PDE11A: variants seen among roughly 807,000 people sequenced by gnomAD.
PDE11A encodes dual 3',5'-cyclic-AMP and -GMP phosphodiesterase 11A.
In PDE11A, 100 loss-of-function variants were observed where a neutral mutation model predicts 100.5. That is an observed-to-expected ratio of 1.00 (90% CI 0.85 to 1.18). The LOEUF is 1.18. PDE11A is among the 50% of genes most tolerant of loss of function. The pLI, the probability that PDE11A is intolerant of heterozygous loss-of-function variation, is 0.00. For missense variants in PDE11A, 1,141 were observed against 1,152.6 expected, an observed-to-expected ratio of 0.99 and a Z score of 0.15; for synonymous variants, 381 against 420.8, an observed-to-expected ratio of 0.91 and a Z score of 1.16.
At chr2:177,968,557 A>T (rs745904341) in intron 2 of PDE11A, among the ~76,000 whole-genome samples, 9 of 152,258 alleles carry the variant, frequency 5.9e-5, no homozygotes, top group Non-Finnish European at 1.2e-4. Flanking sequence ...CCAAGCTTAC[A>T]TAACTATTTT....
At chr2:177,755,728 A>G (rs1457579486) in intron 10 of PDE11A, among the ~76,000 whole-genome samples, 1 of 152,220 alleles carries the variant, frequency 6.6e-6, no homozygotes, top group East Asian at 1.9e-4. Flanking sequence ...GGGACTCCAT[A>G]GTTCCCTTCT....
chr2:177,825,195 G>C (rs2083209284), intron 6 of PDE11A, among the ~76,000 whole-genome samples: 2 of 152,194 alleles, frequency 1.3e-5, no homozygotes, highest in Admixed American at 1.3e-4. Context: ...GGTTAGTCCT[G>C]GAAGAGAGGA....
intron 1 of PDE11A, among the ~76,000 whole-genome samples, chr2:178,026,356 G>C (rs1048034895): frequency 6.6e-6 from 1 of 152,152 alleles, no homozygotes; most frequent in African/African-American, 2.4e-5. Context: ...TTTGACAAAA[G>C]TTTAATGTTA....
At chr2:177,989,773 A>G (rs1215079454) in intron 2 of PDE11A, among the ~76,000 whole-genome samples, 3 of 152,190 alleles carry the variant, frequency 2.0e-5, no homozygotes, top group African/African-American at 7.2e-5. Flanking sequence ...AGAGTGGATC[A>G]ATGACACATT....
At chr2:177,640,311 G>A (rs1326927084) in intron 19 of PDE11A, among the ~76,000 whole-genome samples, 1 of 152,298 alleles carries the variant, frequency 6.6e-6, no homozygotes, top group South Asian at 2.1e-4. Flanking sequence ...TCCCTTTCTG[G>A]AGGAAAATAT....
intron 19 of PDE11A, among the ~76,000 whole-genome samples, chr2:177,630,025 A>G (rs2079894689): frequency 6.6e-6 from 1 of 152,238 alleles, no homozygotes; most frequent in African/African-American, 2.4e-5. Flanking sequence ...TGAATAGGAA[A>G]GGTCAGGTAA....
chr2:177,872,392 G>A (rs558170618), intron 5 of PDE11A, among the ~76,000 whole-genome samples: 1 of 152,176 alleles, frequency 6.6e-6, no homozygotes, highest in African/African-American at 2.4e-5. Flanking sequence ...TTCATGGAGG[G>A]AGATGGATTG....
chr2:177,744,933 G>A (rs1194439614), intron 10 of PDE11A, among the ~76,000 whole-genome samples: 6 of 152,166 alleles, frequency 3.9e-5, no homozygotes, highest in Non-Finnish European at 8.8e-5. Context: ...CTGAATCCTG[G>A]ATGAAGGAGC....
At chr2:177,852,777 C>G (rs1168961655) in intron 5 of PDE11A, among the ~76,000 whole-genome samples, 4 of 152,144 alleles carry the variant, frequency 2.6e-5, no homozygotes, top group African/African-American at 9.7e-5. Context: ...TCAGCTCTTA[C>G]CCTGTGGTAG....
At chr2:177,730,565 TGCTCTGCTTTCTA>T (rs1480729759) in intron 10 of PDE11A, among the ~76,000 whole-genome samples, 1 of 152,062 alleles carries the variant, frequency 6.6e-6, no homozygotes, top group Non-Finnish European at 1.5e-5. Flanking sequence ...TTTTCCTTTT[TGCTCTGCTTTCTA>T]GGAAATTTCT....
intron 2 of PDE11A, among the ~76,000 whole-genome samples, chr2:177,988,668 A>G (rs963210026): frequency 3.3e-5 from 5 of 152,180 alleles, no homozygotes; most frequent in Admixed American, 3.3e-4. Flanking sequence ...GTCCTGCCAG[A>G]GTGTCTGAAT....
At chr2:177,678,301 T>C (rs969968915) in intron 16 of PDE11A, among the ~76,000 whole-genome samples, 2 of 152,210 alleles carry the variant, frequency 1.3e-5, no homozygotes, top group Non-Finnish European at 2.9e-5. Context: ...AGGAACTTAC[T>C]ATTGAAAGTG....
At chr2:177,873,765 T>C (rs765659981) in intron 5 of PDE11A, among the ~76,000 whole-genome samples, 2 of 152,218 alleles carry the variant, frequency 1.3e-5, no homozygotes, top group Non-Finnish European at 2.9e-5. Context: ...TGAAGTTATA[T>C]AGTATGTAGC....
chr2:177,881,877 G>A (rs1225527770), intron 4 of PDE11A, among the ~76,000 whole-genome samples: 1 of 152,188 alleles, frequency 6.6e-6, no homozygotes, highest in East Asian at 1.9e-4. Flanking sequence ...CAACTTCTCT[G>A]GTGTAGAGCC....
At chr2:177,765,386 G>C (rs1409886127) in intron 10 of PDE11A, among the ~76,000 whole-genome samples, 1 of 152,212 alleles carries the variant, frequency 6.6e-6, no homozygotes, top group African/African-American at 2.4e-5. Flanking sequence ...TACAAACTAA[G>C]AGTAATTAAT....
chr2:177,810,513 G>A (rs1045593890), intron 9 of PDE11A, among the ~76,000 whole-genome samples: 12 of 152,060 alleles, frequency 7.9e-5, no homozygotes, highest in East Asian at 7.7e-4. Context: ...GAGTGGATAT[G>A]GCATAATTGA....
intron 2 of PDE11A, among the ~76,000 whole-genome samples, chr2:177,931,641 A>G (rs1443899313): frequency 1.3e-5 from 2 of 152,188 alleles, no homozygotes; most frequent in Admixed American, 6.5e-5. Flanking sequence ...TCTGAGATGC[A>G]GCATAAGCAG....
At chr2:177,946,439 C>T (rs2085431503) in intron 2 of PDE11A, among the ~76,000 whole-genome samples, 1 of 57,408 alleles carries the variant, frequency 1.7e-5, no homozygotes, top group African/African-American at 8.2e-5. Flanking sequence ...GGCCAGCCGC[C>T]CCGTCCGGGA....
intron 2 of PDE11A, among the ~76,000 whole-genome samples, chr2:178,086,206 A>T (rs1559067476): frequency 6.6e-6 from 1 of 152,176 alleles, no homozygotes; most frequent in African/African-American, 2.4e-5. Context: ...ACCTTCCTAC[A>T]TGGTGGTGTA....
Sources: allele counts gnomAD v4.1 joint callset (sites outside exome capture counted in the v4.1 genomes callset), GRCh38; gene constraint gnomAD v4.1.1; transcripts MANE v1.5; gene names NCBI Gene and HGNC (gene_info 2026-07-23, HGNC 2026-07-21).